The following MCU variants were observed in gnomAD, a reference collection of about 807,000 sequenced individuals.
MCU encodes calcium uniporter protein, mitochondrial.
In MCU, 12 loss-of-function variants were observed where a neutral mutation model predicts 45.2. The ratio of observed to expected loss-of-function variants is 0.27; its 90% confidence interval spans 0.17 to 0.43. The LOEUF (loss-of-function observed/expected upper bound fraction) is 0.43. Among genes scored for constraint, MCU ranks in the 20% least tolerant of loss-of-function variants. The probability of loss-of-function intolerance (pLI) is 1.00; values close to 1 mark genes in which losing one functional copy is unlikely to be tolerated. For missense variants in MCU, 324 were observed against 436.7 expected, an observed-to-expected ratio of 0.74 and a Z score of 2.30; for synonymous variants, 160 against 165.1, an observed-to-expected ratio of 0.97 and a Z score of 0.24.
intron 1 of MCU, among the ~76,000 whole-genome samples, chr10:72,711,189 A>G (rs1380361082): frequency 6.6e-6 from 1 of 151,884 alleles, no homozygotes; most frequent in Non-Finnish European, 1.5e-5. Flanking sequence ...AAAAAAAAAA[A>G]AGTATTACAC....
At chr10:72,730,378 T>C (rs1160181057) in intron 1 of MCU, among the ~76,000 whole-genome samples, 1 of 145,292 alleles carries the variant, frequency 6.9e-6, no homozygotes, top group East Asian at 2.1e-4. Flanking sequence ...CCAATCCGCC[T>C]CCTGGGTTCA....
At chr10:72,865,257 A>T (rs1022999972) in intron 4 of MCU, among the ~76,000 whole-genome samples, 1 of 152,164 alleles carries the variant, frequency 6.6e-6, no homozygotes, top group Non-Finnish European at 1.5e-5. Context: ...GTATCCAGGA[A>T]CTCTGGAATA....
chr10:72,790,445 A>T (rs1458889736), intron 1 of MCU, among the ~76,000 whole-genome samples: 2 of 152,180 alleles, frequency 1.3e-5, no homozygotes, highest in East Asian at 3.8e-4. Context: ...CAAACATCTA[A>T]AGATTTTGAA....
chr10:72,877,143 ACTC>A (rs1845630379), intron 6 of MCU, among the ~76,000 whole-genome samples: 1 of 151,802 alleles, frequency 6.6e-6, no homozygotes, highest in Non-Finnish European at 1.5e-5. Flanking sequence ...CTGGTCTCAA[ACTC>A]CTGAGCTCCA....
At chr10:72,847,794 C>G (rs1299226962) in intron 2 of MCU, among the ~76,000 whole-genome samples, 2 of 152,120 alleles carry the variant, frequency 1.3e-5, no homozygotes, top group Non-Finnish European at 2.9e-5. Context: ...CAGTCAGGGC[C>G]TTAATCATCT....
intron 1 of MCU, among the ~76,000 whole-genome samples, chr10:72,704,517 A>G (rs1564533474): frequency 6.7e-6 from 1 of 149,432 alleles, no homozygotes; most frequent in African/African-American, 2.5e-5. Flanking sequence ...AAAATTTGTG[A>G]TTTTTTTTTT....
At chr10:72,879,963 G>GC (rs1845675645) in intron 6 of MCU, among the ~76,000 whole-genome samples, 1 of 152,122 alleles carries the variant, frequency 6.6e-6, no homozygotes, top group Admixed American at 6.6e-5. Context: ...CATGAGAATC[G>GC]CTTGAACCCA....
At chr10:72,882,472 C>A (rs924459999) in intron 6 of MCU, among the ~76,000 whole-genome samples, 4 of 152,034 alleles carry the variant, frequency 2.6e-5, no homozygotes, top group African/African-American at 7.2e-5. Flanking sequence ...GAGAATGCAC[C>A]CCTGAGGTTG....
At chr10:72,712,588 T>A (rs746313167) in intron 1 of MCU, among the ~76,000 whole-genome samples, 3 of 152,190 alleles carry the variant, frequency 2.0e-5, no homozygotes, top group Non-Finnish European at 4.4e-5. Context: ...ATGCGCCTTT[T>A]ATGGTAAAAA....
At chr10:72,742,742 T>C (rs1436402105) in intron 1 of MCU, among the ~76,000 whole-genome samples, 2 of 152,140 alleles carry the variant, frequency 1.3e-5, no homozygotes, top group South Asian at 4.1e-4. Flanking sequence ...GGCTGAACTA[T>C]AGATAAATTG....
intron 4 of MCU, among the ~76,000 whole-genome samples, chr10:72,866,478 A>C (rs1589504195): frequency 1.3e-5 from 2 of 151,966 alleles, no homozygotes; most frequent in Admixed American, 1.3e-4. Flanking sequence ...GCTTACTGCA[A>C]CCTCTGCCTC....
chr10:72,765,293 C>T (rs535360779), intron 1 of MCU, among the ~76,000 whole-genome samples: 14 of 151,910 alleles, frequency 9.2e-5, no homozygotes, highest in African/African-American at 3.1e-4. Context: ...TAAATGGTTT[C>T]GTAAGAAGTA....
chr10:72,749,893 A>C (rs1323938303), intron 1 of MCU, among the ~76,000 whole-genome samples: 1 of 151,238 alleles, frequency 6.6e-6, no homozygotes, highest in South Asian at 2.1e-4. Flanking sequence ...CAGCCTCCCA[A>C]GTAGCTGGGA....
At chr10:72,884,230 C>G in intron 6 of MCU, 36 bp from the exon 7 acceptor site, 1 of 1,243,808 alleles carries the variant, frequency 8.0e-7, no homozygotes. Context: ...AGATAGTATG[C>G]TAAGGACTGA....
At position 72,710,515 on chromosome 10, in the gene MCU, A is replaced by G. The variant is rs3793782; in HGVS notation, c.150+18214A>G. On this transcript the variant is annotated intron_variant, in intron 1 of 7. Coordinates refer to ENST00000373053, the MANE Select transcript of MCU (RefSeq NM_138357.3). ...GATGGGAATGCTGTCAAAGGAGCTC[A>G]CTTGGAAAGGCCATTCCATCACCTA... Among the ~76,000 whole-genome samples the G allele has an allele frequency of 2.8e-5, 4 of 142,140 alleles. No individual in the cohort carries two copies. The East Asian group carries it at 8.4e-4, about 30-fold the overall frequency. The allele number at this position is 142,140 out of a possible 152,430, so 93.2% of individuals were successfully genotyped here. A position where few individuals can be genotyped will look rare whatever the true frequency, so the allele number is the denominator to read the frequency against.
chr10:72,842,207 G>A (rs1472482109), intron 2 of MCU, among the ~76,000 whole-genome samples: 1 of 152,166 alleles, frequency 6.6e-6, no homozygotes, highest in African/African-American at 2.4e-5. Flanking sequence ...TCTACTACTT[G>A]AAGTATCTCT....
intron 1 of MCU, among the ~76,000 whole-genome samples, chr10:72,765,086 T>TAA (rs529761895): frequency 0.023 from 2,851 of 123,440 alleles, 126 homozygotes; most frequent in African/African-American, 0.08. Context: ...CCCCATCTCT[T>TAA]AAAAAAAAAA....
intron 1 of MCU, among the ~76,000 whole-genome samples, chr10:72,796,086 A>G (rs936908249): frequency 6.6e-6 from 1 of 152,164 alleles, no homozygotes; most frequent in African/African-American, 2.4e-5. Flanking sequence ...ACCCAGGTCC[A>G]TACTCTCAGA....
At chr10:72,851,017 A>G (rs1172113837) in intron 2 of MCU, among the ~76,000 whole-genome samples, 3 of 152,238 alleles carry the variant, frequency 2.0e-5, no homozygotes, top group Non-Finnish European at 2.9e-5. Context: ...GAACCTTGGC[A>G]ATAGTTATTC....
Sources: allele counts gnomAD v4.1 joint callset (sites outside exome capture counted in the v4.1 genomes callset), GRCh38; gene constraint gnomAD v4.1.1; transcripts MANE v1.5; gene names NCBI Gene and HGNC (gene_info 2026-07-23, HGNC 2026-07-21).